Variants in GRID2 observed in about 807,000 individuals in gnomAD.
GRID2 encodes the protein glutamate receptor ionotropic, delta-2.
In GRID2, 33 loss-of-function variants were observed where a neutral mutation model predicts 114.8. The ratio of observed to expected loss-of-function variants is 0.29; its 90% CI spans 0.22 to 0.38. The LOEUF is 0.38. GRID2 is among the 10% of genes least tolerant of loss of function. The pLI, the probability that GRID2 is intolerant of heterozygous loss-of-function variation, is 1.00. For missense variants in GRID2, 1,184 were observed against 1,257.7 expected (o/e 0.94, Z 0.89); for synonymous variants, 505 against 449.9 (o/e 1.12, Z -1.55).
chr4:93,676,620 T>G (rs2110077847), intron 14 of GRID2, among the ~76,000 whole-genome samples: 1 of 152,162 alleles, frequency 6.6e-6, no homozygotes, highest in African/African-American at 2.4e-5. Context: ...AGCTTTTTAC[T>G]TTGAAAATAA....
At chr4:93,784,065 C>A (rs534554664) in intron 1 of GRID2, among the ~76,000 whole-genome samples, 1,034 of 99,102 alleles carry the variant, frequency 0.01, 6 homozygotes, top group Non-Finnish European at 0.014. Flanking sequence ...GAGCGAGACT[C>A]CGTCTCAAAA....
intron 4 of GRID2, among the ~76,000 whole-genome samples, chr4:93,125,616 G>A (rs995428521): frequency 2.6e-5 from 4 of 152,040 alleles, no homozygotes; most frequent in African/African-American, 4.8e-5. Context: ...AAAATTTATT[G>A]TGTAGAAATT....
intron 2 of GRID2, chr4:92,822,220 T>C (rs12644034): frequency 0.034 from 17,641 of 514,826 alleles, 487 homozygotes; most frequent in East Asian, 0.11. Flanking sequence ...AGGGCATTGA[T>C]GATATTCCCA....
At chr4:92,863,050 A>G (rs1744638829) in intron 2 of GRID2, among the ~76,000 whole-genome samples, 1 of 152,124 alleles carries the variant, frequency 6.6e-6, no homozygotes. Flanking sequence ...TAACTTTCTA[A>G]GTCTTTGAGC....
intron 1 of GRID2, among the ~76,000 whole-genome samples, chr4:92,571,755 A>G (rs928220219): frequency 6.6e-6 from 1 of 152,168 alleles, no homozygotes; most frequent in African/African-American, 2.4e-5. Context: ...AACTACATGG[A>G]AACTGAACAA....
At chr4:92,508,922 A>G (rs1724107880) in intron 1 of GRID2, among the ~76,000 whole-genome samples, 1 of 151,980 alleles carries the variant, frequency 6.6e-6, no homozygotes, top group South Asian at 2.1e-4. Context: ...AGTTAGATCC[A>G]GGATCCATTT....
chr4:93,717,849 A>T (rs570626566), intron 14 of GRID2, among the ~76,000 whole-genome samples: 1 of 152,202 alleles, frequency 6.6e-6, no homozygotes, highest in Non-Finnish European at 1.5e-5. Context: ...CCATAATTCA[A>T]TGAGAACATT....
intron 1 of GRID2, among the ~76,000 whole-genome samples, chr4:92,341,404 T>C (rs926923489): frequency 6.6e-6 from 1 of 152,146 alleles, no homozygotes; most frequent in Non-Finnish European, 1.5e-5. Flanking sequence ...CTTCAGAGAT[T>C]TTTTTCAGTT....
chr4:92,708,687 A>C (rs1241757226), intron 2 of GRID2, among the ~76,000 whole-genome samples: 1 of 152,292 alleles, frequency 6.6e-6, no homozygotes, highest in Admixed American at 6.5e-5. Flanking sequence ...AATAATCCCT[A>C]CTTTTCTCAG....
chr4:92,718,029 A>C (rs1735629964), intron 2 of GRID2, among the ~76,000 whole-genome samples: 1 of 152,160 alleles, frequency 6.6e-6, no homozygotes, highest in South Asian at 2.1e-4. Context: ...TTTGTCTAAA[A>C]ATATATATTA....
intron 13 of GRID2, among the ~76,000 whole-genome samples, chr4:93,615,191 A>G (rs745908129): frequency 9.2e-5 from 14 of 152,216 alleles, no homozygotes; most frequent in Admixed American, 2.6e-4. Flanking sequence ...CAGCTCTCCA[A>G]AAAGATGTCC....
At position 92,368,944 on chromosome 4, in the gene GRID2, A is replaced by G. The variant is rs75546548; in HGVS notation, c.88+64200A>G. Among the ~76,000 whole-genome samples the G allele has an allele frequency of 1.1e-3, 72 of 68,232 alleles. 1 individual carries two copies. In the South Asian group the frequency reaches 0.023, roughly 21 times the overall value. The allele number at this position is 68,232 out of a possible 152,430, so 44.8% of individuals were successfully genotyped here. A position where few individuals can be genotyped will look rare whatever the true frequency, so the allele number is the denominator to read the frequency against. ...GTTTCAATTGAATGAGCAAATTGTG[A>G]AAAAAAAAAAAAAAAGTATTAGGTA... On this transcript the variant is annotated intron_variant, in intron 1 of 15. Coordinates refer to ENST00000282020, the MANE Select transcript of GRID2 (RefSeq NM_001510.4).
At chr4:92,892,417 C>G (rs557087077) in intron 2 of GRID2, among the ~76,000 whole-genome samples, 94 of 151,682 alleles carry the variant, frequency 6.2e-4, no homozygotes, top group Non-Finnish European at 1.2e-3. Context: ...ATTGAGGGAA[C>G]TTTTTCTAGG....
chr4:92,364,310 T>C (rs1728752100), intron 1 of GRID2, among the ~76,000 whole-genome samples: 1 of 151,982 alleles, frequency 6.6e-6, no homozygotes. Flanking sequence ...TTATGCAAAG[T>C]TGAGTGAGTT....
intron 14 of GRID2, among the ~76,000 whole-genome samples, chr4:93,664,502 C>T (rs2149742219): frequency 6.6e-6 from 1 of 152,270 alleles, no homozygotes; most frequent in South Asian, 2.1e-4. Context: ...TTCTGAATAG[C>T]TGAGACAGAA....
At chr4:92,638,708 A>G (rs1167601660) in intron 2 of GRID2, among the ~76,000 whole-genome samples, 1 of 150,514 alleles carries the variant, frequency 6.6e-6, no homozygotes, top group African/African-American at 2.4e-5. Flanking sequence ...ACTCTTGTAA[A>G]TAAAAGATTA....
intron 1 of GRID2, among the ~76,000 whole-genome samples, chr4:92,563,552 C>T (rs1316356128): frequency 6.6e-6 from 1 of 152,142 alleles, no homozygotes; most frequent in East Asian, 1.9e-4. Flanking sequence ...CCACACTCCT[C>T]CTGAATACAA....
chr4:93,603,683 C>G (rs1739922925), intron 13 of GRID2, among the ~76,000 whole-genome samples: 1 of 152,230 alleles, frequency 6.6e-6, no homozygotes, highest in Admixed American at 6.5e-5. Context: ...GACTGTCTGA[C>G]TCTTGTTAGG....
intron 14 of GRID2, among the ~76,000 whole-genome samples, chr4:93,672,864 T>C (rs925085088): frequency 2.6e-5 from 4 of 152,234 alleles, no homozygotes; most frequent in Non-Finnish European, 5.9e-5. Context: ...TTTTTTTCCT[T>C]TGGTATCCAA....
Sources: allele counts gnomAD v4.1 joint callset (sites outside exome capture counted in the v4.1 genomes callset), GRCh38; gene constraint gnomAD v4.1.1; transcripts MANE v1.5; gene names NCBI Gene and HGNC (gene_info 2026-07-23, HGNC 2026-07-21).